The following NOTCH2 variants were observed in gnomAD, a reference collection of about 807,000 sequenced individuals.
NOTCH2 encodes the protein notch receptor 2.
In NOTCH2, 29 loss-of-function variants were observed where a neutral mutation model predicts 235.8. That is an observed-to-expected ratio of 0.12 (90% confidence interval 0.09 to 0.17). The LOEUF (loss-of-function observed/expected upper bound fraction) is 0.17, where lower values mean the gene tolerates loss of function less well. Among genes scored for constraint, NOTCH2 ranks in the 10% least tolerant of loss-of-function variants. The pLI is 1.00. For synonymous variants in NOTCH2, 1,086 were observed against 1,141.5 expected (o/e 0.95, Z 0.98); for missense variants, 2,285 against 3,150.2 (o/e 0.73, Z 6.57).
At chr1:119,918,261 T>C in intron 32 of NOTCH2, 145 bp downstream of exon 32, 1 of 954,158 alleles carries the variant, frequency 1.0e-6, no homozygotes, top group Non-Finnish European at 1.7e-6. Context: ...GCTCAGCATG[T>C]TAAATAAATG....
rs782603781 is a variant in NOTCH2, at chr1:119,937,470, G to A, written c.3338-4C>T. 6.2e-7 allele frequency: 1 copy of A among 1,612,734 alleles called. No homozygotes were observed. The highest frequency in any genetic ancestry group is 8.5e-7 in the Non-Finnish European group (1 of 1,179,716). On this transcript the variant is annotated splice_polypyrimidine_tract_variant and splice_region_variant and intron_variant, in intron 20 of 33. Coordinates refer to ENST00000256646, the MANE Select transcript of NOTCH2 (RefSeq NM_024408.4). ...CACAAGTGTTCAACAAGCACACCTGGGAAACCCAGTGAGGGAGAAATGTCA... is the reference window on the plus strand; with the variant it reads ...CACAAGTGTTCAACAAGCACACCTGAGAAACCCAGTGAGGGAGAAATGTCA...
intron 11 of NOTCH2, among the ~76,000 whole-genome samples, chr1:119,962,503 C>T (rs587716784): frequency 2.0e-5 from 3 of 152,220 alleles, no homozygotes; most frequent in East Asian, 1.9e-4. Flanking sequence ...GGATGTTTTT[C>T]GTATGCTTGA....
At chr1:119,984,769 C>G (rs1379242510) in intron 5 of NOTCH2, among the ~76,000 whole-genome samples, 3 of 152,098 alleles carry the variant, frequency 2.0e-5, no homozygotes. Flanking sequence ...TCGGTACATC[C>G]CTCACATCAA....
In NOTCH2 at chr1:120,005,567, C is replaced by T; in HGVS notation, c.177G>A (p.Gly59=). 1 of 1,578,156 alleles carries T rather than the reference C, an allele frequency of 6.3e-7. No homozygotes were observed. The highest frequency in any genetic ancestry group is 1.4e-5 in the African/African-American group (1 of 72,396). Residue 59 remains glycine, a synonymous_variant, in exon 3 of 34, where the codon GGG becomes GGA. Coordinates refer to ENST00000256646, the MANE Select transcript of NOTCH2 (RefSeq NM_024408.4). ...AGGGGTCTCGATGTTGACAATATTCCCCCAAGAAGCCTTCTGGACATCTGT... is the reference window on the plus strand; with the variant it reads ...AGGGGTCTCGATGTTGACAATATTCTCCCAAGAAGCCTTCTGGACATCTGT... ...GYCKCPEGFL[G]EYCQHRDPCE...
At chr1:119,948,334 G>T in intron 17 of NOTCH2, 80 bp downstream of exon 17, 2 of 1,518,718 alleles carry the variant, frequency 1.3e-6, no homozygotes, top group Non-Finnish European at 1.8e-6. Flanking sequence ...GTGAAAGGCG[G>T]CAGCCTCCAC....
At chr1:119,999,964 A>G (rs1255369886) in intron 3 of NOTCH2, among the ~76,000 whole-genome samples, 38 of 127,072 alleles carry the variant, frequency 3.0e-4, no homozygotes, top group East Asian at 9.1e-4. Context: ...AGAAAGAAAG[A>G]AAGAAAGAAA....
At chr1:120,066,526 G>A (rs1345830775) in intron 1 of NOTCH2, among the ~76,000 whole-genome samples, 1 of 149,930 alleles carries the variant, frequency 6.7e-6, no homozygotes, top group East Asian at 1.9e-4. Context: ...CAAATTTTGT[G>A]GGCAAAATAG....
At chr1:119,949,503 C>T (rs782493442) in intron 15 of NOTCH2, among the ~76,000 whole-genome samples, 2 of 151,512 alleles carry the variant, frequency 1.3e-5, no homozygotes, top group Non-Finnish European at 2.9e-5. Context: ...TCTCCTGCCT[C>T]CGCCTCCCGA....
At chr1:119,961,178 G>A (rs1650923398) in intron 11 of NOTCH2, among the ~76,000 whole-genome samples, 1 of 152,164 alleles carries the variant, frequency 6.6e-6, no homozygotes, top group South Asian at 2.1e-4. Context: ...CCCTGTTTGT[G>A]TGGCTCCACA....
chr1:119,981,964 A>G (rs1651829994), intron 5 of NOTCH2, among the ~76,000 whole-genome samples: 1 of 152,086 alleles, frequency 6.6e-6, no homozygotes, highest in Non-Finnish European at 1.5e-5. Context: ...AAGTAGAAAA[A>G]TGGTTGTGAG....
chr1:119,920,477 C>A, intron 29 of NOTCH2, 80 bp from the exon 30 acceptor site: 6 of 1,447,178 alleles, frequency 4.1e-6, no homozygotes, highest in Non-Finnish European at 5.8e-6. Context: ...GAGCCTCCAC[C>A]ACCGCTGCTT....
Position 119,923,665 on chromosome 1 carries a change from G to A in NOTCH2, c.4831C>T (p.Pro1611Ser). The A allele has an allele frequency of 1.9e-6, 3 of 1,614,032 alleles. No individual in the cohort carries two copies. The East Asian group carries it at 6.7e-5, about 36-fold the overall frequency. ...GCCACCTCCTGTTCTTGTTCACCAG[G>A]AAGGGATCTGCGTGTCATCCTCTGT... ...KKQRMTRRSL[P>S]GEQEQEVAGS... The change falls in exon 26 of 34, where the codon CCT becomes TCT. Residue 1611 changes from proline (P) to serine (S), a missense_variant. Physicochemically the swap from Pro to Ser is moderately conservative, Grantham distance 74. Around this residue, in one of 6 missense-constraint regions of NOTCH2, gnomAD observed 1,173 missense variants for 1,515.3 expected, o/e 0.77. Coordinates refer to ENST00000256646, the MANE Select transcript of NOTCH2 (RefSeq NM_024408.4).
intron 33 of NOTCH2, 64 bp downstream of exon 33, chr1:119,917,601 G>A: frequency 9.5e-7 from 1 of 1,052,878 alleles, no homozygotes; most frequent in Non-Finnish European, 1.5e-6. Flanking sequence ...AGGAGAAACG[G>A]GAATGGGCTT....
chr1:119,974,403 A>G (rs2101156888), intron 5 of NOTCH2, among the ~76,000 whole-genome samples: 1 of 152,310 alleles, frequency 6.6e-6, no homozygotes, highest in Non-Finnish European at 1.5e-5. Flanking sequence ...CAAAAGAGAA[A>G]GAAGATAACT....
Position 119,995,790 on chromosome 1 carries a change from A to G in NOTCH2, c.751+1207T>C, listed in dbSNP as rs1440284987. Reference sequence around the variant, plus strand: ...TGCTTTGTATAGCTGTATTCCAAATACATAGCATGGTGCCTAGAACATAGC... The same window carrying G: ...TGCTTTGTATAGCTGTATTCCAAATGCATAGCATGGTGCCTAGAACATAGC... On this transcript the variant is annotated intron_variant, in intron 4 of 33. Transcript: ENST00000256646. 4.6e-5 allele frequency: 7 copies of G among 152,350 alleles called. No individual in the cohort carries two copies. In the East Asian group the frequency reaches 1.3e-3, roughly 29 times the overall value. 9.4% of individuals were successfully genotyped at this position (152,350 alleles called of 1,614,324 possible).
At chr1:119,924,596 C>T (rs1649401613) in intron 25 of NOTCH2, among the ~76,000 whole-genome samples, 1 of 152,122 alleles carries the variant, frequency 6.6e-6, no homozygotes, top group South Asian at 2.1e-4. Flanking sequence ...ACAAACTATT[C>T]CATCTATACT....
rs1367318214 is a variant in NOTCH2, at chr1:119,915,638, C to A, written c.7084G>T (p.Asp2362Tyr). The change falls in exon 34 of 34, where the codon GAC becomes TAC. Residue 2362 changes from aspartate to tyrosine, a missense_variant. Coordinates refer to ENST00000256646, the MANE Select transcript of NOTCH2 (RefSeq NM_024408.4). ...AFPTAMMPQQDGQVAQTILPA... is the reference protein window; with the variant it reads ...AFPTAMMPQQYGQVAQTILPA... ...AGAATGGTCTGAGCTACCTGCCCGT[C>A]CTGCTGGGGCATCATGGCAGTGGGG... 1 of 1,614,030 alleles carries A rather than the reference C, an allele frequency of 6.2e-7. No homozygotes were observed. The highest frequency in any genetic ancestry group is 8.5e-7 in the Non-Finnish European group (1 of 1,180,014).
Position 119,969,604 on chromosome 1 carries a change from T to C in NOTCH2, c.1015A>G (p.Ile339Val), listed in dbSNP as rs1309062791. The C allele has an allele frequency of 3.7e-6, 6 of 1,613,960 alleles. No homozygotes were observed. The African/African-American group carries it at 4.0e-5, about 11-fold the overall frequency. Residue 339 changes from isoleucine to valine, a missense_variant, in exon 6 of 34, where the codon ATT becomes GTT. By Grantham distance (29) the Ile-to-Val change is conservative. Transcript: ENST00000256646. ...GWSGDDCSEN[I>V]DDCAFASCTP... ...CAGGAGGCGAAGGCACAATCATCAA[T>C]GTTCTCACTGCAGTCATCTCCACTC...
Position 119,950,799 on chromosome 1 carries a change from T to A in NOTCH2, c.2404A>T (p.Asn802Tyr). 6.2e-7 allele frequency: 1 copy of A among 1,614,138 alleles called. No homozygotes were observed. Among genetic ancestry groups the A allele is most frequent in the Non-Finnish European group, 8.5e-7 (1 of 1,179,936 alleles). The change falls in exon 15 of 34, where the codon AAT becomes TAT. Residue 802 changes from asparagine to tyrosine, a missense_variant. Asn to Tyr is a moderately radical substitution (Grantham distance 143). Around this residue, in one of 6 missense-constraint regions of NOTCH2, gnomAD observed 1,173 missense variants for 1,515.3 expected, o/e 0.77. Transcript: ENST00000256646. ...CAGGTTCCTTGGTTCAGGCATGGAT[T>A]TGAGGCACATTCATCAATATTCACC... ...CQVNIDECAS[N>Y]PCLNQGTCFD...
Sources: gnomAD v4.1 joint callset for allele counts (sites outside exome capture counted in the v4.1 genomes callset) on GRCh38, gnomAD v4.1.1 for gene constraint, gnomAD v4.1.1 regional missense constraint, MANE v1.5 for transcripts, NCBI Gene and HGNC (gene_info 2026-07-23, HGNC 2026-07-21) for gene names.